COMMD7: variants seen among roughly 807,000 people sequenced by gnomAD.
COMMD7 encodes the protein COMM domain-containing protein 7.
In COMMD7, 28 loss-of-function variants were observed where a neutral mutation model predicts 34.8. The observed-to-expected ratio is 0.80, with a 90% CI of 0.60 to 1.10. The LOEUF (loss-of-function observed/expected upper bound fraction) is 1.10, where lower values mean the gene tolerates loss of function less well. Among genes scored for constraint, COMMD7 ranks in the 50% least tolerant of loss-of-function variants. The pLI, the probability that COMMD7 is intolerant of heterozygous loss-of-function variation, is 0.00. For missense variants in COMMD7, 211 were observed against 241.6 expected (o/e 0.87, Z 0.84); for synonymous variants, 80 against 86.4 (o/e 0.93, Z 0.41).
chr20:32,707,723 C>G (rs987263794), intron 3 of COMMD7, among the ~76,000 whole-genome samples: 6 of 151,578 alleles, frequency 4.0e-5, no homozygotes, highest in Non-Finnish European at 7.4e-5. Context: ...GGGGATGGAG[C>G]AACTGGTCTG....
Position 32,703,179 on chromosome 20 carries a change from G to A in COMMD7, c.*203C>T, listed in dbSNP as rs1243434959. On this transcript the variant is annotated 3_prime_UTR_variant, in exon 9 of 9. Coordinates refer to ENST00000278980, the MANE Select transcript of COMMD7 (RefSeq NM_053041.3). Reference sequence around the variant, plus strand: ...ACAGGTGGTGGTGGTTGCCCTAACAGAGAGTTTACAGGGTAATTGTGTTGG... The same window carrying A: ...ACAGGTGGTGGTGGTTGCCCTAACAAAGAGTTTACAGGGTAATTGTGTTGG... 2.3e-6 allele frequency: 1 copy of A among 435,484 alleles called. No individual in the cohort carries two copies. The allele number at this position is 435,484 out of a possible 1,614,324, so 27.0% of individuals were successfully genotyped here. A position where few individuals can be genotyped will look rare whatever the true frequency, so the allele number is the denominator to read the frequency against.
At chr20:32,722,722 A>T (rs888682617) in intron 3 of COMMD7, among the ~76,000 whole-genome samples, 2 of 132,778 alleles carry the variant, frequency 1.5e-5, no homozygotes, top group Admixed American at 1.5e-4. Context: ...AGACTCAGGA[A>T]AAAAAAAAAA....
intron 3 of COMMD7, among the ~76,000 whole-genome samples, chr20:32,712,127 G>A (rs561431596): frequency 2.4e-4 from 36 of 151,962 alleles, no homozygotes; most frequent in African/African-American, 6.3e-4. Flanking sequence ...AAAATTAGCC[G>A]GGCGTGGTGG....
At position 32,704,507 on chromosome 20, in the gene COMMD7, AAAAAG is replaced by A. The variant is rs747232593; in HGVS notation, c.428-23_428-19del. ...AGATGTCACTGTGACAAAAAAAAAA[AAAAAG>A]AGAGAGAGAGAGAGAAATAACAAGT... On this transcript the variant is annotated intron_variant, in intron 6 of 8. Transcript: ENST00000278980. 5.1e-5 allele frequency: 81 copies of A among 1,595,446 alleles called. No homozygotes were observed. Among genetic ancestry groups the A allele is most frequent in the Admixed American group, 1.8e-4 (10 of 56,012 alleles).
chr20:32,736,646 G>A (rs887414783), intron 1 of COMMD7, among the ~76,000 whole-genome samples: 12 of 152,030 alleles, frequency 7.9e-5, no homozygotes, highest in African/African-American at 2.9e-4. Context: ...CTTCAGCCTG[G>A]GTGATACAGC....
In COMMD7 at chr20:32,727,543, A is replaced by G. The variant is rs991132810; in HGVS notation, c.241+350T>C. On this transcript the variant is annotated intron_variant, in intron 3 of 8. Transcript: ENST00000278980. Reference sequence around the variant, plus strand: ...GAGAAAGATTCTGTCTCAAAAAAAAAAAAAAAAAAAGTATTAGATTCAAGG... The same window carrying G: ...GAGAAAGATTCTGTCTCAAAAAAAAGAAAAAAAAAAGTATTAGATTCAAGG... Among the ~76,000 whole-genome samples, 666 of 151,632 alleles carry G rather than the reference A, an allele frequency of 4.4e-3. 4 individuals carry two copies. The highest frequency in any genetic ancestry group is 0.015 in the African/African-American group (632 of 41,124).
At chr20:32,707,295 AT>A (rs1222642572) in intron 3 of COMMD7, among the ~76,000 whole-genome samples, 14 of 120,810 alleles carry the variant, frequency 1.2e-4, no homozygotes, top group African/African-American at 3.8e-4. Flanking sequence ...AAAAAAAAAA[AT>A]ATATATATAT....
At chr20:32,736,058 A>G (rs1986117828) in intron 1 of COMMD7, among the ~76,000 whole-genome samples, 1 of 152,140 alleles carries the variant, frequency 6.6e-6, no homozygotes, top group Non-Finnish European at 1.5e-5. Flanking sequence ...TCATTTTATG[A>G]CCTGCTGTAG....
chr20:32,738,826 ACTCAAGTGATC>A (rs2145789575), intron 1 of COMMD7, among the ~76,000 whole-genome samples: 1 of 151,716 alleles, frequency 6.6e-6, no homozygotes, highest in African/African-American at 2.4e-5. Flanking sequence ...CCAATTTCTG[ACTCAAGTGATC>A]CTCCCACCTA....
intron 3 of COMMD7, among the ~76,000 whole-genome samples, chr20:32,714,332 A>G (rs1207054442): frequency 6.6e-6 from 1 of 152,120 alleles, no homozygotes; most frequent in Admixed American, 6.6e-5. Flanking sequence ...TCCTTTTCAT[A>G]AAAAAATAAA....
chr20:32,731,612 C>T (rs1432923687), intron 1 of COMMD7, among the ~76,000 whole-genome samples: 3 of 152,192 alleles, frequency 2.0e-5, no homozygotes, highest in Non-Finnish European at 4.4e-5. Flanking sequence ...ACTTCTGAGG[C>T]TCCCTGGGGC....
intron 1 of COMMD7, among the ~76,000 whole-genome samples, chr20:32,737,353 G>A (rs1986188356): frequency 2.6e-5 from 1 of 38,676 alleles, no homozygotes; most frequent in Admixed American, 1.9e-4. Context: ...CTGGGCAACA[G>A]AGCAAGACTC....
chr20:32,704,164 T>C, intron 7 of COMMD7, 93 bp from the exon 8 acceptor site: 1 of 1,074,556 alleles, frequency 9.3e-7, no homozygotes, highest in Non-Finnish European at 1.3e-6. Flanking sequence ...GCTTCCAACC[T>C]GAGAGTCATA....
rs11480967 is a variant in COMMD7 at position 32,727,534 on chromosome 20, C to CAAA, written c.241+356_241+358dup. On this transcript the variant is annotated intron_variant, in intron 3 of 8. Coordinates refer to ENST00000278980, the MANE Select transcript of COMMD7 (RefSeq NM_053041.3). ...CTGGCGACAGAGAAAGATTCTGTCT[C>CAAA]AAAAAAAAAAAAAAAAAAAGTATTA... Among the ~76,000 whole-genome samples the CAAA allele has an allele frequency of 3.0e-4, 25 of 83,960 alleles. 1 individual carries two copies. The highest frequency in any genetic ancestry group is 8.7e-4 in the African/African-American group (22 of 25,314). The allele number at this position is 83,960 out of a possible 152,430, so 55.1% of individuals were successfully genotyped here.
At chr20:32,737,062 G>A (rs2145785643) in intron 1 of COMMD7, among the ~76,000 whole-genome samples, 1 of 151,096 alleles carries the variant, frequency 6.6e-6, no homozygotes, top group Non-Finnish European at 1.5e-5. Context: ...GGCACCTGTA[G>A]TCCCAGCCAC....
intron 5 of COMMD7, 92 bp from the exon 6 acceptor site, chr20:32,704,996 C>CAGATAGTGGGGAGGGTGCAGA (rs373223255): frequency 9.9e-6 from 9 of 910,614 alleles, no homozygotes; most frequent in Non-Finnish European, 1.4e-5. Flanking sequence ...AGCATTGACA[C>CAGATAGTGGGGAGGGTGCAGA]AGATAGTGGG....
chr20:32,740,442 A>T (rs1221588099), intron 1 of COMMD7, among the ~76,000 whole-genome samples: 1 of 152,172 alleles, frequency 6.6e-6, no homozygotes, highest in African/African-American at 2.4e-5. Flanking sequence ...GATATTGAAA[A>T]ATATTTTGAT....
chr20:32,741,150 C>CA lies in COMMD7; in HGVS notation c.84+2157dup, dbSNP rs764073417. Among the ~76,000 whole-genome samples, 287 of 90,562 alleles carry CA rather than the reference C, an allele frequency of 3.2e-3. 9 individuals are homozygous for CA. Among genetic ancestry groups the CA allele is most frequent in the Middle Eastern group, 0.018 (2 of 114 alleles). The allele number at this position is 90,562 out of a possible 152,430, so 59.4% of individuals were successfully genotyped here. Reference sequence around the variant, plus strand: ...AGAGGAAGACTCCGTCTAAAACAAACAAACAAACAAAAAAAAACTGACAGT... The same window carrying CA: ...AGAGGAAGACTCCGTCTAAAACAAACAAAACAAACAAAAAAAAACTGACAGT... On this transcript the variant is annotated intron_variant, in intron 1 of 8. Coordinates refer to ENST00000278980, the MANE Select transcript of COMMD7 (RefSeq NM_053041.3).
intron 1 of COMMD7, among the ~76,000 whole-genome samples, chr20:32,738,167 C>A (rs558208068): frequency 1.8e-4 from 28 of 152,184 alleles, no homozygotes; most frequent in Non-Finnish European, 2.8e-4. Context: ...ATTTTCTGAC[C>A]CAGGCTGGAG....
Sources: allele counts gnomAD v4.1 joint callset (sites outside exome capture counted in the v4.1 genomes callset), GRCh38; gene constraint gnomAD v4.1.1; transcripts MANE v1.5; gene names NCBI Gene and HGNC (gene_info 2026-07-23, HGNC 2026-07-21).